MGAT5B: variants seen among roughly 807,000 people sequenced by gnomAD.
MGAT5B encodes alpha-1,6-mannosylglycoprotein 6-beta-N-acetylglucosaminyltransferase B.
Under a neutral mutation model 95.1 loss-of-function variants are expected in MGAT5B, and 54 were observed. That is an observed-to-expected ratio of 0.57 (90% CI 0.46 to 0.71). MGAT5B has a LOEUF of 0.71. MGAT5B is among the 30% of genes least tolerant of loss of function. The probability of loss-of-function intolerance (pLI) is 0.00; values close to 1 mark genes in which losing one functional copy is unlikely to be tolerated. For synonymous variants in MGAT5B, 464 were observed against 451.0 expected (o/e 1.03, Z -0.36); for missense variants, 935 against 1,088.6 (o/e 0.86, Z 1.99).
chr17:76,874,345 T>G (rs1194000078), intron 2 of MGAT5B, among the ~76,000 whole-genome samples: 1 of 151,772 alleles, frequency 6.6e-6, no homozygotes, highest in East Asian at 1.9e-4. Context: ...AGCGTGTTTA[T>G]GAAAGAGGAC....
intron 12 of MGAT5B, 117 bp from the exon 13 acceptor site, chr17:76,937,871 T>G: frequency 1.5e-6 from 2 of 1,293,018 alleles, no homozygotes; most frequent in South Asian, 2.8e-5. Context: ...AGCCAGTTAA[T>G]GGCCAACCTG....
In MGAT5B at chr17:76,905,415, C is replaced by G; in HGVS notation, c.855+82C>G. On this transcript the variant is annotated intron_variant, in intron 7 of 17. Transcript: ENST00000569840. The surrounding 1 kb of genome is among the most constrained non-coding windows in gnomAD (Gnocchi z 4.2). ...TCTGAGTGGGCATGGAATAGGTCTTCAAACAAGCTGTAGTGGGCTTCTGAA... is the reference window on the plus strand; with the variant it reads ...TCTGAGTGGGCATGGAATAGGTCTTGAAACAAGCTGTAGTGGGCTTCTGAA... 2.4e-6 allele frequency: 3 copies of G among 1,255,490 alleles called. No homozygotes were observed. Among genetic ancestry groups the G allele is most frequent in the Non-Finnish European group, 3.2e-6 (3 of 926,036 alleles). 77.8% of individuals were successfully genotyped at this position (1,255,490 alleles called of 1,614,324 possible). A position where few individuals can be genotyped will look rare whatever the true frequency, so the allele number is the denominator to read the frequency against.
Position 76,906,603 on chromosome 17 carries a change from G to A in MGAT5B, c.1025+416G>A, listed in dbSNP as rs1968538617. Among the ~76,000 whole-genome samples the A allele has an allele frequency of 6.6e-6, 1 of 152,158 alleles. No individual in the cohort carries two copies. On this transcript the variant is annotated intron_variant, in intron 8 of 17. Transcript: ENST00000569840. The surrounding 1 kb of genome is among the most constrained non-coding windows in gnomAD (Gnocchi z 4.6). ...GGTCTGGAGACCAGTAAGACATGGA[G>A]GATGAAGGGGCGTGGTTGGGTGGGT...
chr17:76,912,799 C>T lies in MGAT5B; in HGVS notation c.1025+6612C>T, dbSNP rs986650097. 6.6e-5 allele frequency among the ~76,000 whole-genome samples: 10 copies of T among 152,168 alleles called. No individual in the cohort carries two copies. The highest frequency in any genetic ancestry group is 2.1e-4 in the South Asian group (1 of 4,826). ...GGTGATGTCAGCCAGTCCCCGCCCGCGCCCCGCCGTGTGCGGAGGGAAGAA... is the reference window on the plus strand; with the variant it reads ...GGTGATGTCAGCCAGTCCCCGCCCGTGCCCCGCCGTGTGCGGAGGGAAGAA... On this transcript the variant is annotated intron_variant, in intron 8 of 17. Coordinates refer to ENST00000569840, the MANE Select transcript of MGAT5B (RefSeq NM_001199172.2). This position sits in a 1 kb window ranked among gnomAD's most constrained non-coding sequence, Gnocchi z 5.0.
At chr17:76,920,006 A>G (rs1326841990) in intron 8 of MGAT5B, among the ~76,000 whole-genome samples, 2 of 152,134 alleles carry the variant, frequency 1.3e-5, no homozygotes, top group Non-Finnish European at 2.9e-5. Flanking sequence ...GAAATGCTCC[A>G]TTCCCCTGGA....
At chr17:76,923,144 C>T (rs1169565073) in intron 8 of MGAT5B, among the ~76,000 whole-genome samples, 1 of 152,230 alleles carries the variant, frequency 6.6e-6, no homozygotes, top group African/African-American at 2.4e-5. Flanking sequence ...CAGTCCCCTC[C>T]CCGAGCTTCT....
intron 6 of MGAT5B, among the ~76,000 whole-genome samples, chr17:76,904,888 C>T (rs1324528082): frequency 6.6e-6 from 1 of 152,356 alleles, no homozygotes; most frequent in Non-Finnish European, 1.5e-5. Context: ...CCACCACCCT[C>T]ACTGCCTCCC....
chr17:76,946,318 A>C, intron 15 of MGAT5B, 58 bp from the exon 16 acceptor site: 2 of 1,456,382 alleles, frequency 1.4e-6, no homozygotes, highest in Non-Finnish European at 1.9e-6. Context: ...CGAGCATGGC[A>C]GGGCCCCCGA....
intron 3 of MGAT5B, among the ~76,000 whole-genome samples, chr17:76,892,663 G>A (rs959359087): frequency 7.2e-5 from 11 of 152,258 alleles, no homozygotes; most frequent in African/African-American, 2.2e-4. Flanking sequence ...GCGCACGGGC[G>A]GGGCAGAGCC....
intron 16 of MGAT5B, among the ~76,000 whole-genome samples, chr17:76,946,912 C>T (rs1970048319): frequency 1.3e-5 from 2 of 152,250 alleles, no homozygotes; most frequent in South Asian, 2.1e-4. Context: ...TCGGCCACCT[C>T]AGCCCCCGAG....
intron 3 of MGAT5B, among the ~76,000 whole-genome samples, chr17:76,897,415 G>A (rs981874817): frequency 6.6e-6 from 1 of 152,168 alleles, no homozygotes; most frequent in Non-Finnish European, 1.5e-5. Context: ...TCCAAAGCTC[G>A]AGGGGAGACT....
chr17:76,872,523 G>T (rs939395022), intron 1 of MGAT5B: 54 of 729,216 alleles, frequency 7.4e-5, no homozygotes, highest in Non-Finnish European at 1.1e-4. Context: ...CTGACTGCTC[G>T]TCTGGGGACT....
intron 2 of MGAT5B, 101 bp downstream of exon 2, chr17:76,873,064 C>T: frequency 7.6e-7 from 1 of 1,322,018 alleles, no homozygotes. Flanking sequence ...TTTCTGGCCG[C>T]CCTGTAGGTG....
At chr17:76,897,660 A>ACCCTCTTTCTTT (rs1385091778) in intron 3 of MGAT5B, among the ~76,000 whole-genome samples, 2 of 69,386 alleles carry the variant, frequency 2.9e-5, no homozygotes, top group Non-Finnish European at 2.6e-5. Context: ...AAGTAAGGCC[A>ACCCTCTTTCTTT]CTTTCTTTCT....
Position 76,889,053 on chromosome 17 carries a change from T to C in MGAT5B, c.329+6755T>C, listed in dbSNP as rs533386544. 2.6e-5 allele frequency among the ~76,000 whole-genome samples: 4 copies of C among 152,090 alleles called. No individual in the cohort carries two copies. The highest frequency in any genetic ancestry group is 5.9e-5 in the Non-Finnish European group (4 of 68,008). On this transcript the variant is annotated intron_variant, in intron 3 of 17. Coordinates refer to ENST00000569840, the MANE Select transcript of MGAT5B (RefSeq NM_001199172.2). The surrounding 1 kb of genome is among the most constrained non-coding windows in gnomAD (Gnocchi z 4.4). ...GCTTGGCATTCTTTTACTTTCCGAGTGAGAAACGATGGTTTTGGTAGAATG... is the reference window on the plus strand; with the variant it reads ...GCTTGGCATTCTTTTACTTTCCGAGCGAGAAACGATGGTTTTGGTAGAATG...
chr17:76,919,799 ACAGTT>A (rs1317688024), intron 8 of MGAT5B, among the ~76,000 whole-genome samples: 1 of 152,262 alleles, frequency 6.6e-6, no homozygotes, highest in African/African-American at 2.4e-5. Context: ...TTTGAAGTGC[ACAGTT>A]CAGTGGCAAA....
chr17:76,948,935 C>A lies in MGAT5B; in HGVS notation c.*97C>A, dbSNP rs1007702898. On this transcript the variant is annotated 3_prime_UTR_variant, in exon 18 of 18. Transcript: ENST00000569840. Reference sequence around the variant, plus strand: ...CTGAGCCCTGGCTGCTTGTCCTCCTCGCAACCCCCCCAGGCCGGAGCTTCC... The same window carrying A: ...CTGAGCCCTGGCTGCTTGTCCTCCTAGCAACCCCCCCAGGCCGGAGCTTCC... The A allele has an allele frequency of 2.3e-6, 3 of 1,318,354 alleles. No individual in the cohort carries two copies. Among genetic ancestry groups the A allele is most frequent in the Non-Finnish European group, 3.1e-6 (3 of 972,338 alleles). 81.7% of individuals were successfully genotyped at this position (1,318,354 alleles called of 1,614,324 possible). A position where few individuals can be genotyped will look rare whatever the true frequency, so the allele number is the denominator to read the frequency against.
intron 3 of MGAT5B, among the ~76,000 whole-genome samples, chr17:76,896,733 T>C (rs1968075885): frequency 6.6e-6 from 1 of 152,170 alleles, no homozygotes; most frequent in Admixed American, 6.5e-5. Flanking sequence ...TTTCACTCTT[T>C]CCAATACATC....
intron 12 of MGAT5B, 81 bp downstream of exon 12, chr17:76,933,378 T>C: frequency 6.4e-7 from 1 of 1,551,800 alleles, no homozygotes; most frequent in Non-Finnish European, 8.8e-7. Context: ...GGTCTCTCCT[T>C]GTGATGTTCT....
Sources: allele counts gnomAD v4.1 joint callset (sites outside exome capture counted in the v4.1 genomes callset), GRCh38; gene constraint gnomAD v4.1.1; non-coding constraint Gnocchi (gnomAD v3.1); transcripts MANE v1.5; gene names NCBI Gene and HGNC (gene_info 2026-07-23, HGNC 2026-07-21).